MAP4K5: variants seen among roughly 807,000 people sequenced by gnomAD.
MAP4K5 encodes MAPK/ERK kinase kinase kinase 5.
MAP4K5 carries 82 observed loss-of-function variants against 135.6 expected under a neutral mutation model. The observed-to-expected ratio is 0.60, with a 90% CI of 0.51 to 0.73. The LOEUF (loss-of-function observed/expected upper bound fraction) is 0.73, where lower values mean the gene tolerates loss of function less well. Ranked by LOEUF, MAP4K5 falls within the 30% of genes least tolerant of loss-of-function variation. The pLI, the probability that MAP4K5 is intolerant of heterozygous loss-of-function variation, is 0.00. For synonymous variants in MAP4K5, 347 were observed against 335.0 expected (o/e 1.04, Z -0.39); for missense variants, 907 against 1,010.9 (o/e 0.90, Z 1.39).
rs1212844567 is a variant in MAP4K5, at chr14:50,443,629, T to C, written c.1479+100A>G. ...CATTCAATATCTTTGTATTTTATGA[T>C]ATCTTAACTTTCAAAGGCTCAAGTA... On this transcript the variant is annotated intron_variant, in intron 20 of 32. Coordinates refer to ENST00000682126, the MANE Select transcript of MAP4K5 (RefSeq NM_006575.6). 7 of 921,028 alleles carry C rather than the reference T, an allele frequency of 7.6e-6. No homozygotes were observed. In the Admixed American group the frequency reaches 1.7e-4, roughly 22 times the overall value. 57.1% of individuals were successfully genotyped at this position (921,028 alleles called of 1,614,324 possible).
intron 12 of MAP4K5, 39 bp from the exon 13 acceptor site, chr14:50,462,820 T>G (rs776109849): frequency 1.7e-6 from 2 of 1,151,460 alleles, no homozygotes; most frequent in Non-Finnish European, 2.6e-6. Flanking sequence ...AGTATGCCTT[T>G]ACATCTATGG....
chr14:50,471,829 A>C (rs967756131), intron 9 of MAP4K5: 2 of 152,212 alleles, frequency 1.3e-5, no homozygotes, highest in Non-Finnish European at 2.9e-5. Flanking sequence ...CTATAAATGT[A>C]AGAAATGTGG....
At chr14:50,457,327 T>C (rs1249143768) in intron 13 of MAP4K5, among the ~76,000 whole-genome samples, 1 of 152,198 alleles carries the variant, frequency 6.6e-6, no homozygotes, top group African/African-American at 2.4e-5. Flanking sequence ...CTATTAAATA[T>C]GTATGAGACT....
intron 27 of MAP4K5, 29 bp downstream of exon 27, chr14:50,434,933 G>GA: frequency 2.7e-6 from 4 of 1,462,280 alleles, no homozygotes; most frequent in Non-Finnish European, 3.8e-6. Flanking sequence ...TTTTCTAAAG[G>GA]AAAAAAATGT....
Position 50,482,393 on chromosome 14 carries a change from G to C in MAP4K5, c.346C>G (p.Gln116Glu). ...GTTTCTCTGCATACATAGGCTATTT[G>C]CAATTCTGATAATGGTCCAGTAACT... is the stretch of plus-strand genomic sequence containing the variant. ...YHVTGPLSEL[Q>E]IAYVCRETLQ... Residue 116 changes from glutamine (Q) to glutamate (E), a missense_variant, in exon 6 of 33, where the codon CAA becomes GAA. Around this residue, in one of 3 missense-constraint regions of MAP4K5, gnomAD observed 196 missense variants for 189.3 expected, o/e 1.04. Coordinates refer to ENST00000682126, the MANE Select transcript of MAP4K5 (RefSeq NM_006575.6). The C allele has an allele frequency of 6.5e-7, 1 of 1,532,726 alleles. No homozygotes were observed. Among genetic ancestry groups the C allele is most frequent in the Non-Finnish European group, 8.8e-7 (1 of 1,141,348 alleles). The allele number at this position is 1,532,726 out of a possible 1,614,324, so 94.9% of individuals were successfully genotyped here.
chr14:50,532,283 A>C, intron 1 of MAP4K5, 125 bp from the exon 2 acceptor site: 1 of 460,586 alleles, frequency 2.2e-6, no homozygotes, highest in Non-Finnish European at 3.8e-6. Flanking sequence ...AGGGGCCTGG[A>C]AGGGCCCCCG....
intron 9 of MAP4K5, among the ~76,000 whole-genome samples, chr14:50,469,214 G>C (rs1441275583): frequency 6.6e-6 from 1 of 152,292 alleles, no homozygotes; most frequent in South Asian, 2.1e-4. Context: ...TGACAGGACA[G>C]TGCTCAATGT....
At chr14:50,557,339 C>T (rs899954562) in intron 1 of MAP4K5, among the ~76,000 whole-genome samples, 2 of 152,192 alleles carry the variant, frequency 1.3e-5, no homozygotes, top group Admixed American at 6.5e-5. Flanking sequence ...ACCCATCTCC[C>T]GTAGGTGACC....
In MAP4K5 at chr14:50,532,013, T is replaced by G. The variant is rs55940722; in HGVS notation, c.37A>C (p.Arg13=). 1,678 of 1,594,518 alleles carry G rather than the reference T, an allele frequency of 1.1e-3. 24 individuals carry two copies. The East Asian group carries it at 0.03, about 29-fold the overall frequency. Residue 13 remains arginine (R), a synonymous_variant, in exon 2 of 33, where the codon AGG becomes CGG. Transcript: ENST00000682126. ...TCGTAGTCCTGCTGCGGGTTCCGCCTCAGGATGTCCGCGGCAGGCCGCAGC... is the reference window on the plus strand; with the variant it reads ...TCGTAGTCCTGCTGCGGGTTCCGCCGCAGGATGTCCGCGGCAGGCCGCAGC... The part of the protein sequence containing the change: ...APLRPAADIL[R]RNPQQDYELV...
rs1481047485 is a variant in MAP4K5, at chr14:50,437,979, G to T, written c.1738C>A (p.Leu580Ile). Residue 580 changes from leucine (L) to isoleucine (I), a missense_variant, in exon 25 of 33, where the codon CTT (leucine) becomes ATT (isoleucine). Leu to Ile is a conservative substitution (Grantham distance 5). Transcript: ENST00000682126. ...TTGGCATGTTCAAACAAAGCTATAAGATTGTGAGAGTAGAGCTGAAAGGTT... is the reference window on the plus strand; with the variant it reads ...TTGGCATGTTCAAACAAAGCTATAATATTGTGAGAGTAGAGCTGAAAGGTT... ...GKTFQLYSHNLIALFEHAKKP... is the reference protein window; with the variant it reads ...GKTFQLYSHNIIALFEHAKKP... The T allele has an allele frequency of 6.2e-7, 1 of 1,609,974 alleles. No homozygotes were observed. Among genetic ancestry groups the T allele is most frequent in the Non-Finnish European group, 8.5e-7 (1 of 1,176,568 alleles).
At chr14:50,467,010 T>C (rs1790449723) in intron 10 of MAP4K5, among the ~76,000 whole-genome samples, 2 of 152,156 alleles carry the variant, frequency 1.3e-5, no homozygotes, top group Admixed American at 6.5e-5. Flanking sequence ...TAACATTAGG[T>C]TGCATATTTA....
At chr14:50,551,539 C>T (rs560447820) in intron 1 of MAP4K5, among the ~76,000 whole-genome samples, 11 of 152,134 alleles carry the variant, frequency 7.2e-5, no homozygotes, top group African/African-American at 1.7e-4. Context: ...GGCAGTATTA[C>T]CCTAATACCA....
intron 16 of MAP4K5, 40 bp from the exon 17 acceptor site, chr14:50,446,161 G>C (rs780516209): frequency 7.7e-7 from 1 of 1,300,234 alleles, no homozygotes; most frequent in South Asian, 1.3e-5. Context: ...GATGATAAAT[G>C]ACCGTAACCG....
chr14:50,536,920 C>T (rs895679303), upstream of MAP4K5, among the ~76,000 whole-genome samples: 8 of 152,154 alleles, frequency 5.3e-5, no homozygotes, highest in Non-Finnish European at 1.2e-4. Flanking sequence ...AATTTGCAGC[C>T]TGACAATACA....
intron 13 of MAP4K5, among the ~76,000 whole-genome samples, chr14:50,458,818 T>A (rs570091680): frequency 7.9e-5 from 12 of 152,264 alleles, no homozygotes; most frequent in African/African-American, 2.6e-4. Context: ...TACTTTTATT[T>A]ATTTTTTTGA....
At chr14:50,494,365 AC>A (rs1332994359) in intron 3 of MAP4K5, among the ~76,000 whole-genome samples, 1 of 151,856 alleles carries the variant, frequency 6.6e-6, no homozygotes, top group Non-Finnish European at 1.5e-5. Flanking sequence ...GACGGGTTTC[AC>A]CATATTGGCC....
At chr14:50,459,781 T>G (rs1029775280) in intron 13 of MAP4K5, among the ~76,000 whole-genome samples, 2 of 151,996 alleles carry the variant, frequency 1.3e-5, no homozygotes. Context: ...CACTGTAACC[T>G]TTGCTTCCCA....
At chr14:50,460,161 G>A (rs1205717750) in intron 13 of MAP4K5, among the ~76,000 whole-genome samples, 1 of 152,086 alleles carries the variant, frequency 6.6e-6, no homozygotes, top group Admixed American at 6.5e-5. Flanking sequence ...TTCTACAGTA[G>A]TGAGTTTTTT....
chr14:50,489,539 T>C (rs1252842791), intron 3 of MAP4K5, among the ~76,000 whole-genome samples: 7 of 152,172 alleles, frequency 4.6e-5, no homozygotes, highest in Non-Finnish European at 1.0e-4. Context: ...CAATATCTTC[T>C]CTTAAAAACC....
Sources: allele counts gnomAD v4.1 joint callset (sites outside exome capture counted in the v4.1 genomes callset), GRCh38; gene constraint gnomAD v4.1.1; regional missense constraint gnomAD v4.1.1; transcripts MANE v1.5; gene names NCBI Gene and HGNC (gene_info 2026-07-23, HGNC 2026-07-21).